The following NALF1 variants were observed in gnomAD, a reference collection of about 807,000 sequenced individuals.
NALF1 encodes the protein NALCN channel auxiliary factor 1, also known as family with sequence similarity 155 member A.
In NALF1, 3 loss-of-function variants were observed where a neutral mutation model predicts 48.4. The ratio of observed to expected loss-of-function variants is 0.06; its 90% confidence interval spans 0.03 to 0.16. The LOEUF (loss-of-function observed/expected upper bound fraction) is 0.16, where lower values mean the gene tolerates loss of function less well. NALF1 is among the 10% of genes least tolerant of loss of function. The pLI, the probability that NALF1 is intolerant of heterozygous loss-of-function variation, is 1.00. For synonymous variants in NALF1, 262 were observed against 245.7 expected (o/e 1.07, Z -0.62); for missense variants, 526 against 571.5 (o/e 0.92, Z 0.81).
At chr13:107,737,239 AT>A (rs1404635684) in intron 1 of NALF1, among the ~76,000 whole-genome samples, 1 of 152,174 alleles carries the variant, frequency 6.6e-6, no homozygotes, top group African/African-American at 2.4e-5. Context: ...TCATGACACC[AT>A]TTCACAGCAG....
At chr13:107,519,553 T>G (rs2139095033) in intron 1 of NALF1, among the ~76,000 whole-genome samples, 1 of 152,246 alleles carries the variant, frequency 6.6e-6, no homozygotes, top group South Asian at 2.1e-4. Flanking sequence ...TTTCCGTCTG[T>G]CCATTATTAT....
chr13:107,679,776 T>C (rs903402603), intron 1 of NALF1, among the ~76,000 whole-genome samples: 26 of 152,152 alleles, frequency 1.7e-4, no homozygotes, highest in African/African-American at 6.0e-4. Context: ...GATGGATCTT[T>C]CCATGGAAGC....
At chr13:107,435,210 A>G (rs1473695138) in intron 1 of NALF1, among the ~76,000 whole-genome samples, 2 of 152,122 alleles carry the variant, frequency 1.3e-5, no homozygotes, top group Non-Finnish European at 2.9e-5. Context: ...CAAAATAGGC[A>G]TGTTCCTATA....
chr13:107,646,358 A>G (rs1171014436), intron 1 of NALF1, among the ~76,000 whole-genome samples: 3 of 151,638 alleles, frequency 2.0e-5, no homozygotes, highest in Non-Finnish European at 2.9e-5. Context: ...TCCTAACATA[A>G]TAACAGTAGT....
At position 107,821,716 on chromosome 13, in the gene NALF1, G is replaced by T. The variant is rs71435248; in HGVS notation, c.915+43966C>A. On this transcript the variant is annotated intron_variant, in intron 1 of 2. Coordinates refer to ENST00000375915, the MANE Select transcript of NALF1 (RefSeq NM_001080396.3). ...TGGATGAGATCCAATGACAGAAAGA[G>T]TACATAATAGGGTGACTAGTGTAAT... 6.6e-3 allele frequency among the ~76,000 whole-genome samples: 1,007 copies of T among 152,290 alleles called. 7 individuals are homozygous for T. Among genetic ancestry groups the T allele is most frequent in the South Asian group, 0.011 (52 of 4,826 alleles).
intron 1 of NALF1, among the ~76,000 whole-genome samples, chr13:107,233,827 A>T (rs2138827619): frequency 6.6e-6 from 1 of 152,356 alleles, no homozygotes. Flanking sequence ...CTTAAAATAC[A>T]TACATACAGA....
At chr13:107,505,721 G>A (rs1862975070) in intron 1 of NALF1, among the ~76,000 whole-genome samples, 1 of 152,142 alleles carries the variant, frequency 6.6e-6, no homozygotes, top group Non-Finnish European at 1.5e-5. Flanking sequence ...AAACAGAGAT[G>A]GTCAAGAGAG....
At chr13:107,265,603 A>C (rs1193611874) in intron 1 of NALF1, among the ~76,000 whole-genome samples, 1 of 151,848 alleles carries the variant, frequency 6.6e-6, no homozygotes, top group African/African-American at 2.4e-5. Flanking sequence ...ATGGGGTTTC[A>C]CTATGTTGGC....
intron 1 of NALF1, among the ~76,000 whole-genome samples, chr13:107,263,563 C>A (rs910458706): frequency 1.3e-5 from 2 of 152,068 alleles, no homozygotes; most frequent in African/African-American, 4.8e-5. Flanking sequence ...CCATACTTTT[C>A]TCATGGTAGT....
chr13:107,629,534 A>G (rs147248314), intron 1 of NALF1, among the ~76,000 whole-genome samples: 10 of 152,150 alleles, frequency 6.6e-5, no homozygotes, highest in Non-Finnish European at 1.5e-4. Flanking sequence ...TGTCTACTGA[A>G]CATCACTTGT....
intron 2 of NALF1, among the ~76,000 whole-genome samples, chr13:107,179,226 A>G (rs1057476439): frequency 1.3e-5 from 2 of 152,206 alleles, no homozygotes; most frequent in African/African-American, 4.8e-5. Flanking sequence ...ATAGATGGAA[A>G]TGGAGGTCAT....
rs1160304012 is a variant in NALF1, at chr13:107,166,244, C to A, written c.*4253G>T. 1.3e-5 allele frequency: 2 copies of A among 152,112 alleles called. No homozygotes were observed. The highest frequency in any genetic ancestry group is 4.8e-5 in the African/African-American group (2 of 41,418). The allele number at this position is 152,112 out of a possible 1,614,324, so 9.4% of individuals were successfully genotyped here. On this transcript the variant is annotated 3_prime_UTR_variant, in exon 3 of 3. Transcript: ENST00000375915. ...GACTAGCCTGGCCAACATGGCGACACCACGTCTCTACTAAAAATACACAAA... is the reference window on the plus strand; with the variant it reads ...GACTAGCCTGGCCAACATGGCGACAACACGTCTCTACTAAAAATACACAAA...
intron 1 of NALF1, among the ~76,000 whole-genome samples, chr13:107,217,249 T>C (rs1441469236): frequency 1.3e-5 from 2 of 152,190 alleles, no homozygotes; most frequent in Non-Finnish European, 2.9e-5. Context: ...TTATTTGACC[T>C]CTTGCCAGCC....
At chr13:107,701,108 T>C (rs1881807116) in intron 1 of NALF1, among the ~76,000 whole-genome samples, 1 of 152,114 alleles carries the variant, frequency 6.6e-6, no homozygotes, top group African/African-American at 2.4e-5. Context: ...AAAACTACCA[T>C]ATAACTCAGC....
At chr13:107,205,643 G>T (rs182325504) in intron 2 of NALF1, among the ~76,000 whole-genome samples, 1 of 152,138 alleles carries the variant, frequency 6.6e-6, no homozygotes, top group Non-Finnish European at 1.5e-5. Flanking sequence ...ATGGAATGCA[G>T]AATTTACATA....
chr13:107,253,317 A>T (rs1215293959), intron 1 of NALF1, among the ~76,000 whole-genome samples: 1 of 152,160 alleles, frequency 6.6e-6, no homozygotes, highest in Non-Finnish European at 1.5e-5. Flanking sequence ...CTAGATGGCC[A>T]GGAGGTCTTT....
intron 1 of NALF1, among the ~76,000 whole-genome samples, chr13:107,272,734 G>T (rs575810431): frequency 1.3e-5 from 2 of 152,098 alleles, no homozygotes; most frequent in Non-Finnish European, 2.9e-5. Flanking sequence ...CCATCCAAAG[G>T]TAGTATTCAT....
chr13:107,291,636 T>C (rs903740539), intron 1 of NALF1, among the ~76,000 whole-genome samples: 1 of 152,178 alleles, frequency 6.6e-6, no homozygotes, highest in Non-Finnish European at 1.5e-5. Context: ...TAAGGGATAT[T>C]CAACCTGTAA....
intron 1 of NALF1, among the ~76,000 whole-genome samples, chr13:107,211,382 G>A (rs1879758350): frequency 6.6e-6 from 1 of 152,246 alleles, no homozygotes; most frequent in Non-Finnish European, 1.5e-5. Flanking sequence ...ATGCTGTGGT[G>A]TGGTTGGGAG....
Sources: gnomAD v4.1 joint callset for allele counts (sites outside exome capture counted in the v4.1 genomes callset) on GRCh38, gnomAD v4.1.1 for gene constraint, MANE v1.5 for transcripts, NCBI Gene and HGNC (gene_info 2026-07-23, HGNC 2026-07-21) for gene names.